The following EVC2 variants were observed in gnomAD, a reference collection of about 807,000 sequenced individuals.
EVC2 encodes limbin.
EVC2 carries 148 observed loss-of-function variants against 149.3 expected under a neutral mutation model. The ratio of observed to expected loss-of-function variants is 0.99; its 90% CI spans 0.87 to 1.14. EVC2 has a LOEUF of 1.14. Ranked by LOEUF, EVC2 falls within the 50% of genes most tolerant of loss-of-function variation. EVC2 has a pLI of 0.00. For synonymous variants in EVC2, 776 were observed against 649.9 expected, an observed-to-expected ratio of 1.19 and a Z score of -2.95; for missense variants, 1,854 against 1,627.3, an observed-to-expected ratio of 1.14 and a Z score of -2.40.
In EVC2 at chr4:5,668,374, C is replaced by T. The variant is rs146464740; in HGVS notation, c.871-2725G>A. Reference sequence around the variant, plus strand: ...CATCTTTGATAAATCAGCCTCTGTCCACAAAGGCTGTTATCAGAGACTGTC... The same window carrying T: ...CATCTTTGATAAATCAGCCTCTGTCTACAAAGGCTGTTATCAGAGACTGTC... On this transcript the variant is annotated intron_variant, in intron 7 of 21. Transcript: ENST00000344408. 2.3e-3 allele frequency among the ~76,000 whole-genome samples: 345 copies of T among 152,290 alleles called. 3 individuals are homozygous for T. The highest frequency in any genetic ancestry group is 7.3e-3 in the African/African-American group (302 of 41,566).
At chr4:5,562,347 C>A (rs1435422551), downstream of EVC2, 4 of 721,240 alleles carry the variant, frequency 5.5e-6, no homozygotes, top group Non-Finnish European at 5.2e-6. This position sits in a 1 kb window ranked among gnomAD's most constrained non-coding sequence, Gnocchi z 4.3. Context: ...GCGAATCTCT[C>A]TATTGAACAC....
Position 5,613,243 on chromosome 4 carries a change from C to A in EVC2, c.2829+2179G>T, listed in dbSNP as rs1309023098. 6.6e-6 allele frequency among the ~76,000 whole-genome samples: 1 copy of A among 152,202 alleles called. No homozygotes were observed. Among genetic ancestry groups the A allele is most frequent in the Non-Finnish European group, 1.5e-5 (1 of 68,036 alleles). ...TGACCCAGCACTCCAGTAAGGCAGC[C>A]TTGTCACAGGGCTTCAACCCTCTGG... is the stretch of plus-strand genomic sequence containing the variant. On this transcript the variant is annotated intron_variant, in intron 16 of 21. Transcript: ENST00000344408. The surrounding 1 kb of genome is among the most constrained non-coding windows in gnomAD (Gnocchi z 4.6).
At position 5,562,919 on chromosome 4, in the gene EVC2, G is replaced by T. The variant is rs1227840207; in HGVS notation, c.3856C>A (p.His1286Asn). 6.2e-7 allele frequency: 1 copy of T among 1,614,152 alleles called. No individual in the cohort carries two copies. The highest frequency in any genetic ancestry group is 2.2e-5 in the East Asian group (1 of 44,868). ...TTCTTCTTTTTCCTGGGAGGAACGTGCAGTGAGATCTCTGGCTCCTTTGGA... is the reference window on the plus strand; with the variant it reads ...TTCTTCTTTTTCCTGGGAGGAACGTTCAGTGAGATCTCTGGCTCCTTTGGA... ...RNPKEPEISL[H>N]VPPRKKKNFL... Residue 1286 changes from histidine (H) to asparagine (N), a missense_variant, in exon 22 of 22, where the codon CAC becomes AAC. His to Asn is a moderately conservative substitution (Grantham distance 68, BLOSUM62 1). Transcript: ENST00000344408. The surrounding 1 kb of genome is among the most constrained non-coding windows in gnomAD (Gnocchi z 4.3).
chr4:5,587,139 T>A (rs1224301044), intron 16 of EVC2, among the ~76,000 whole-genome samples: 1 of 152,208 alleles, frequency 6.6e-6, no homozygotes, highest in African/African-American at 2.4e-5. Flanking sequence ...GCACATAACA[T>A]AAAATTCACT....
chr4:5,708,415 G>A lies in EVC2; in HGVS notation c.99C>T (p.Ala33=). Reference sequence around the variant, plus strand: ...GGGGGCGCCAGCGGGGACGTGAGCTGGCGCCGAGACAGCCTCGGCCCCCCA... The same window carrying A: ...GGGGGCGCCAGCGGGGACGTGAGCTAGCGCCGAGACAGCCTCGGCCCCCCA... The part of the protein sequence containing the change: ...LALGGRGCLG[A]SSRPRWRPLG... Residue 33 remains alanine (A), a synonymous_variant, in exon 1 of 22, where the codon GCC becomes GCT. Transcript: ENST00000344408. The A allele has an allele frequency of 6.7e-7, 1 of 1,502,958 alleles. No individual in the cohort carries two copies. Among genetic ancestry groups the A allele is most frequent in the Non-Finnish European group, 8.8e-7 (1 of 1,133,186 alleles). 93.1% of individuals were successfully genotyped at this position (1,502,958 alleles called of 1,614,324 possible).
At chr4:5,644,549 C>T (rs1420794733) in intron 9 of EVC2, among the ~76,000 whole-genome samples, 3 of 152,108 alleles carry the variant, frequency 2.0e-5, no homozygotes, top group Non-Finnish European at 2.9e-5. Context: ...ATGATCTGCC[C>T]GCCTCAGCCT....
intron 1 of EVC2, among the ~76,000 whole-genome samples, chr4:5,703,239 A>C (rs1721938540): frequency 6.6e-6 from 1 of 152,240 alleles, no homozygotes; most frequent in Non-Finnish European, 1.5e-5. Flanking sequence ...CTTACTGCAT[A>C]TCATTGTAAC....
At chr4:5,641,241 C>T (rs180835679) in intron 9 of EVC2, among the ~76,000 whole-genome samples, 15 of 152,086 alleles carry the variant, frequency 9.9e-5, no homozygotes, top group African/African-American at 1.4e-4. Flanking sequence ...ATATCCTGGA[C>T]GGAATCCCAG....
intron 16 of EVC2, among the ~76,000 whole-genome samples, chr4:5,603,870 G>T (rs1714187216): frequency 6.6e-6 from 1 of 152,202 alleles, no homozygotes; most frequent in Non-Finnish European, 1.5e-5. Context: ...TGAGAAATTT[G>T]TGTATACGCT....
At chr4:5,607,777 C>G (rs1433902337) in intron 16 of EVC2, among the ~76,000 whole-genome samples, 1 of 152,070 alleles carries the variant, frequency 6.6e-6, no homozygotes. Flanking sequence ...GATGGAAGAA[C>G]TGGCTGCTTA....
At position 5,622,369 on chromosome 4, in the gene EVC2, G is replaced by A. The variant is rs953112885; in HGVS notation, c.2501+168C>T. Among the ~76,000 whole-genome samples, 12 of 152,024 alleles carry A rather than the reference G, an allele frequency of 7.9e-5. No homozygotes were observed. The highest frequency in any genetic ancestry group is 1.9e-4 in the East Asian group (1 of 5,140). On this transcript the variant is annotated intron_variant, in intron 14 of 21. Transcript: ENST00000344408. This position sits in a 1 kb window ranked among gnomAD's most constrained non-coding sequence, Gnocchi z 5.8. ...CCTTGTAGGGTCCTGCGTGACATTC[G>A]AGGTCCTCCCCCCGGGGCGTTGAGT... is the stretch of plus-strand genomic sequence containing the variant.
rs887813017 is a variant in EVC2 at position 5,640,947 on chromosome 4, C to T, written c.1146-109G>A. The T allele has an allele frequency of 3.9e-5, 50 of 1,289,118 alleles. 2 individuals are homozygous for T. The highest frequency in any genetic ancestry group is 2.9e-4 in the South Asian group (24 of 82,482). 79.9% of individuals were successfully genotyped at this position (1,289,118 alleles called of 1,614,324 possible). On this transcript the variant is annotated intron_variant, in intron 9 of 21. Transcript: ENST00000344408. The surrounding 1 kb of genome is among the most constrained non-coding windows in gnomAD (Gnocchi z 4.6). ...TTTATGTGTAGGCAAGGGCTTTCTT[C>T]GTCTTCCTTTTCTTCCTTTCCCCGC... is the stretch of plus-strand genomic sequence containing the variant.
At chr4:5,704,344 A>G (rs1183778846) in intron 1 of EVC2, among the ~76,000 whole-genome samples, 1 of 152,134 alleles carries the variant, frequency 6.6e-6, no homozygotes. Context: ...GGGAGGAGGC[A>G]AGGAGGGTGC....
In EVC2 at chr4:5,567,672, G is replaced by A. The variant is rs143798239; in HGVS notation, c.3557+772C>T. On this transcript the variant is annotated intron_variant, in intron 20 of 21. Coordinates refer to ENST00000344408, the MANE Select transcript of EVC2 (RefSeq NM_147127.5). This position sits in a 1 kb window ranked among gnomAD's most constrained non-coding sequence, Gnocchi z 4.4. ...TTTAATGACCAAATTCACACCTGGGGCCCCATCCTAAAGGAGACTGTCTAT... is the reference window on the plus strand; with the variant it reads ...TTTAATGACCAAATTCACACCTGGGACCCCATCCTAAAGGAGACTGTCTAT... Among the ~76,000 whole-genome samples the A allele has an allele frequency of 4.6e-3, 692 of 151,894 alleles. 5 individuals carry two copies. Among genetic ancestry groups the A allele is most frequent in the African/African-American group, 0.015 (630 of 41,404 alleles).
chr4:5,695,613 G>A (rs897014605), intron 2 of EVC2, among the ~76,000 whole-genome samples: 1 of 152,202 alleles, frequency 6.6e-6, no homozygotes, highest in African/African-American at 2.4e-5. Context: ...AGACAGGGCT[G>A]TTGTCTGAGC....
At chr4:5,646,112 G>A (rs1717692173) in intron 9 of EVC2, among the ~76,000 whole-genome samples, 1 of 152,054 alleles carries the variant, frequency 6.6e-6, no homozygotes. Context: ...TGTATTTCTA[G>A]TAGAGACTGG....
At chr4:5,651,051 G>T (rs962010905) in intron 9 of EVC2, among the ~76,000 whole-genome samples, 2 of 152,118 alleles carry the variant, frequency 1.3e-5, no homozygotes, top group South Asian at 4.1e-4. Context: ...TGGCTGCATG[G>T]GTGAATGGAC....
intron 1 of EVC2, among the ~76,000 whole-genome samples, chr4:5,699,282 A>C (rs1225925111): frequency 6.6e-6 from 1 of 152,212 alleles, no homozygotes; most frequent in Non-Finnish European, 1.5e-5. Context: ...ATGGAGCCAA[A>C]CATCTGGCTT....
intron 9 of EVC2, among the ~76,000 whole-genome samples, chr4:5,650,636 T>G (rs5004833): frequency 0.15 from 8,265 of 53,600 alleles, 462 homozygotes; most frequent in African/African-American, 0.28. Context: ...TATATATATA[T>G]ATAGAGAGAG....
Sources: gnomAD v4.1 joint callset for allele counts (sites outside exome capture counted in the v4.1 genomes callset) on GRCh38, gnomAD v4.1.1 for gene constraint, Gnocchi (gnomAD v3.1) non-coding constraint, MANE v1.5 for transcripts, NCBI Gene and HGNC (gene_info 2026-07-23, HGNC 2026-07-21) for gene names.